Variants in R3HDM2 observed in about 807,000 individuals in gnomAD.
The protein encoded by R3HDM2 is R3H domain-containing protein 2.
A neutral mutation model predicts 124.5 loss-of-function variants in R3HDM2; 38 were observed. The ratio of observed to expected loss-of-function variants is 0.31; its 90% CI spans 0.24 to 0.40. The LOEUF is 0.40. Among genes scored for constraint, R3HDM2 ranks in the 10% least tolerant of loss-of-function variants. The pLI, the probability that R3HDM2 is intolerant of heterozygous loss-of-function variation, is 1.00. For missense variants in R3HDM2, 869 were observed against 1,236.9 expected (o/e 0.70, Z 4.46); for synonymous variants, 391 against 448.0 (o/e 0.87, Z 1.61).
At chr12:57,359,541 A>G (rs965676680) in intron 2 of R3HDM2, among the ~76,000 whole-genome samples, 2 of 152,178 alleles carry the variant, frequency 1.3e-5, no homozygotes, top group South Asian at 4.1e-4. Context: ...TGCATGGTAT[A>G]TCGTCTTTCA....
At chr12:57,405,011 C>T (rs973507979) in intron 1 of R3HDM2, among the ~76,000 whole-genome samples, 2 of 151,914 alleles carry the variant, frequency 1.3e-5, no homozygotes, top group East Asian at 3.9e-4. Flanking sequence ...TCATCTTTTA[C>T]ATTATATACT....
At chr12:57,318,394 T>C (rs1026056275) in intron 2 of R3HDM2, among the ~76,000 whole-genome samples, 1 of 151,552 alleles carries the variant, frequency 6.6e-6, no homozygotes, top group African/African-American at 2.4e-5. Flanking sequence ...CTCACTCCTG[T>C]AATCCTAGCA....
chr12:57,375,797 C>T (rs1410580374), intron 2 of R3HDM2, among the ~76,000 whole-genome samples: 1 of 151,914 alleles, frequency 6.6e-6, no homozygotes, highest in Non-Finnish European at 1.5e-5. Flanking sequence ...CTCAGCCTCC[C>T]GAGTAGCTGG....
intron 2 of R3HDM2, among the ~76,000 whole-genome samples, chr12:57,340,053 A>C (rs1040436568): frequency 1.3e-5 from 2 of 152,200 alleles, no homozygotes; most frequent in Admixed American, 1.3e-4. Flanking sequence ...TTAGAAAATA[A>C]AAGATTTCAA....
intron 11 of R3HDM2, 46 bp downstream of exon 11, chr12:57,292,526 A>C: frequency 7.7e-7 from 1 of 1,303,510 alleles, no homozygotes; most frequent in Non-Finnish European, 1.1e-6. Flanking sequence ...TCCAATGATT[A>C]AGAGCTAAAA....
intron 14 of R3HDM2, chr12:57,272,540 C>G (rs1159657286): frequency 2.1e-6 from 3 of 1,428,294 alleles, no homozygotes; most frequent in African/African-American, 3.0e-5. Context: ...GAGAGGGCTG[C>G]AGAGCCGGGA....
At chr12:57,342,451 C>T (rs1246976154) in intron 2 of R3HDM2, among the ~76,000 whole-genome samples, 3 of 151,932 alleles carry the variant, frequency 2.0e-5, no homozygotes, top group African/African-American at 7.3e-5. Flanking sequence ...TGCCAACAGT[C>T]ACACTGGCAC....
intron 2 of R3HDM2, among the ~76,000 whole-genome samples, chr12:57,336,059 A>G (rs1000736006): frequency 6.6e-6 from 1 of 151,826 alleles, no homozygotes; most frequent in Non-Finnish European, 1.5e-5. Context: ...ACCATACCAT[A>G]GTATCTAATG....
At chr12:57,274,599 C>T (rs992340940) in intron 14 of R3HDM2, among the ~76,000 whole-genome samples, 2 of 152,190 alleles carry the variant, frequency 1.3e-5, no homozygotes, top group African/African-American at 4.8e-5. Context: ...TGGGGAAGGG[C>T]AGTGATACGG....
chr12:57,427,058 C>A (rs2070808733), intron 1 of R3HDM2, among the ~76,000 whole-genome samples: 1 of 152,062 alleles, frequency 6.6e-6, no homozygotes, highest in African/African-American at 2.4e-5. Flanking sequence ...TTTGGGAGGC[C>A]GAGGCAGGAG....
At chr12:57,322,308 C>A (rs754949613) in intron 2 of R3HDM2, among the ~76,000 whole-genome samples, 3 of 152,116 alleles carry the variant, frequency 2.0e-5, no homozygotes, top group Non-Finnish European at 2.9e-5. Context: ...CAAACAAACC[C>A]AAAAATTCCT....
At chr12:57,313,563 C>CAA (rs11306097) in intron 2 of R3HDM2, among the ~76,000 whole-genome samples, 1 of 142,768 alleles carries the variant, frequency 7.0e-6, no homozygotes, top group Non-Finnish European at 1.5e-5. Flanking sequence ...GACCTTGTCT[C>CAA]AAAAAAAAAA....
intron 2 of R3HDM2, among the ~76,000 whole-genome samples, chr12:57,383,464 A>G (rs2065204593): frequency 6.6e-6 from 1 of 152,072 alleles, no homozygotes; most frequent in Admixed American, 6.6e-5. Context: ...GCACTTTGGA[A>G]GGCCGAGGTG....
At chr12:57,420,080 T>G (rs934332206) in intron 1 of R3HDM2, among the ~76,000 whole-genome samples, 1 of 152,182 alleles carries the variant, frequency 6.6e-6, no homozygotes, top group Non-Finnish European at 1.5e-5. Context: ...TCCTGACCTT[T>G]TCCTTCTCTT....
chr12:57,366,912 G>A (rs1415531069), intron 2 of R3HDM2, among the ~76,000 whole-genome samples: 1 of 151,864 alleles, frequency 6.6e-6, no homozygotes, highest in Non-Finnish European at 1.5e-5. Flanking sequence ...GGATGGTCTC[G>A]ATCTGACCTC....
chr12:57,345,997 C>CA (rs1319465527), intron 2 of R3HDM2, among the ~76,000 whole-genome samples: 1 of 151,642 alleles, frequency 6.6e-6, no homozygotes, highest in Non-Finnish European at 1.5e-5. Flanking sequence ...CAACCTCTAC[C>CA]AAAAATACAA....
chr12:57,266,835 G>A lies in R3HDM2; in HGVS notation c.2031-4C>T. On this transcript the variant is annotated splice_region_variant and splice_polypyrimidine_tract_variant and intron_variant, in intron 18 of 23. Coordinates refer to ENST00000402412, the MANE Select transcript of R3HDM2 (RefSeq NM_001394031.1). The stretch of plus-strand genomic sequence containing the variant: ...TTGCAGAAACCCTACAGAAGGGCTG[G>A]GAAGACAGAGAAGAGAGGAGTGGTG... 6.3e-7 allele frequency: 1 copy of A among 1,575,440 alleles called. No homozygotes were observed. Among genetic ancestry groups the A allele is most frequent in the Non-Finnish European group, 8.7e-7 (1 of 1,147,464 alleles).
intron 2 of R3HDM2, among the ~76,000 whole-genome samples, chr12:57,334,051 AAAAG>A (rs940083591): frequency 8.6e-5 from 13 of 152,008 alleles, no homozygotes; most frequent in African/African-American, 3.1e-4. Flanking sequence ...AAAAAAAAGA[AAAAG>A]AAAGAAAGGC....
rs146357506 is a variant in R3HDM2 at position 57,376,633 on chromosome 12, C to A, written c.-36+19116G>T. Among the ~76,000 whole-genome samples, 14 of 152,118 alleles carry A rather than the reference C, an allele frequency of 9.2e-5. No homozygotes were observed. In the East Asian group the frequency reaches 2.7e-3, roughly 29 times the overall value. On this transcript the variant is annotated intron_variant, in intron 2 of 23. Transcript: ENST00000402412. Reference sequence around the variant, plus strand: ...ATTATTAAGTTCCTTTTTTAAAAATCTTGATTTATAACTACTAAATATTTA... The same window carrying A: ...ATTATTAAGTTCCTTTTTTAAAAATATTGATTTATAACTACTAAATATTTA...
Sources: allele counts gnomAD v4.1 joint callset (sites outside exome capture counted in the v4.1 genomes callset), GRCh38; gene constraint gnomAD v4.1.1; transcripts MANE v1.5; gene names NCBI Gene and HGNC (gene_info 2026-07-23, HGNC 2026-07-21).